RNF213: variants seen among roughly 807,000 people sequenced by gnomAD.
RNF213 encodes the protein E3 ubiquitin-protein ligase RNF213.
Under a neutral mutation model 514.4 loss-of-function variants are expected in RNF213, and 341 were observed. The observed-to-expected ratio is 0.66, with a 90% CI of 0.61 to 0.73. The LOEUF is 0.73. RNF213 is among the 30% of genes least tolerant of loss of function. RNF213 has a pLI of 0.00. For missense variants in RNF213, 5,767 were observed against 6,615.6 expected, an observed-to-expected ratio of 0.87 and a Z score of 4.45; for synonymous variants, 2,655 against 2,658.2, an observed-to-expected ratio of 1.00 and a Z score of 0.04.
intron 2 of RNF213, among the ~76,000 whole-genome samples, chr17:80,268,609 G>GTCCATCCA (rs143520187): frequency 1.4e-5 from 2 of 147,312 alleles, no homozygotes; most frequent in African/African-American, 2.7e-5. Flanking sequence ...CCATCTGTTT[G>GTCCATCCA]TCCATCCATC....
intron 2 of RNF213, among the ~76,000 whole-genome samples, chr17:80,269,383 C>G (rs965052545): frequency 1.3e-5 from 2 of 152,120 alleles, no homozygotes; most frequent in African/African-American, 4.8e-5. Flanking sequence ...ATCTATCTAT[C>G]CACCTATCCA....
At chr17:80,272,194 G>T (rs977422060) in intron 2 of RNF213, among the ~76,000 whole-genome samples, 4 of 151,920 alleles carry the variant, frequency 2.6e-5, no homozygotes, top group Non-Finnish European at 4.4e-5. Flanking sequence ...CGAGGCAGGA[G>T]AATTGCTTGA....
intron 31 of RNF213, 51 bp from the exon 32 acceptor site, chr17:80,351,634 G>A (rs748825110): frequency 2.1e-6 from 2 of 972,714 alleles, no homozygotes; most frequent in African/African-American, 1.6e-5. Flanking sequence ...GCTTGTTTTT[G>A]TGTGTGTGTT....
intron 8 of RNF213, among the ~76,000 whole-genome samples, 184 bp from the exon 9 acceptor site, chr17:80,294,536 T>C (rs2044865682): frequency 6.6e-6 from 1 of 152,164 alleles, no homozygotes; most frequent in Non-Finnish European, 1.5e-5. Context: ...TGGCCTCAGA[T>C]GAGAAGTCAG....
chr17:80,295,564 G>A lies in RNF213; in HGVS notation c.1763G>A (p.Arg588Lys), dbSNP rs761074015. 1.3e-5 allele frequency: 21 copies of A among 1,614,050 alleles called. No homozygotes were observed. The highest frequency in any genetic ancestry group is 1.8e-5 in the Non-Finnish European group (21 of 1,180,028). ...DLQYREKEVKRYLWQHLKKHV... is the reference protein window; with the variant it reads ...DLQYREKEVKKYLWQHLKKHV... ...CTCTTCTCCCACCATCAGGTGAAGA[G>A]ATACCTGTGGCAACATCTGAAAAAA... The change falls in exon 10 of 68, where the codon AGA becomes AAA. Residue 588 changes from arginine (R) to lysine (K), a missense_variant. Coordinates refer to ENST00000582970, the MANE Select transcript of RNF213 (RefSeq NM_001256071.3).
chr17:80,343,284 C>T lies in RNF213; in HGVS notation c.6142C>T (p.Gln2048Ter). The change falls in exon 27 of 68, where the codon CAG becomes TAG. Residue 2048 changes from glutamine (Q) to a stop codon, truncating the protein, a stop_gained. Coordinates refer to ENST00000582970, the MANE Select transcript of RNF213 (RefSeq NM_001256071.3). LOFTEE classifies it high-confidence loss of function. The surrounding 1 kb of genome is among the most constrained non-coding windows in gnomAD (Gnocchi z 4.3). ...GCTGCCCTTCCTGGATGCGCAGTAT[C>T]AGAAGGTCCCCGTGCTCTTTCACCT... is the stretch of plus-strand genomic sequence containing the variant. ...ALLPFLDAQY[Q>*]KVPVLFHLDV... is the part of the protein sequence containing the mutation. The T allele has an allele frequency of 6.2e-7, 1 of 1,613,460 alleles. No homozygotes were observed. The highest frequency in any genetic ancestry group is 1.7e-4 in the Middle Eastern group (1 of 5,720).
intron 49 of RNF213, 111 bp from the exon 50 acceptor site, chr17:80,374,347 G>A: frequency 2.1e-6 from 3 of 1,419,590 alleles, no homozygotes; most frequent in African/African-American, 2.8e-5. Flanking sequence ...ATCCCAGCTT[G>A]GCTGCCTTTA....
intron 36 of RNF213, among the ~76,000 whole-genome samples, chr17:80,357,914 G>A (rs891711678): frequency 6.6e-6 from 1 of 152,204 alleles, no homozygotes; most frequent in African/African-American, 2.4e-5. Flanking sequence ...TTTGAGCCCA[G>A]GTATTCCAGG....
At position 80,376,553 on chromosome 17, in the gene RNF213, G is replaced by A; in HGVS notation, c.13428+10G>A. The A allele has an allele frequency of 6.2e-7, 1 of 1,613,908 alleles. No individual in the cohort carries two copies. The highest frequency in any genetic ancestry group is 8.5e-7 in the Non-Finnish European group (1 of 1,180,032). ...CCCAGCCACCATGGCGGTAAGAGTA[G>A]GCCACAATTCCATCGGCCTTCACTG... is the stretch of plus-strand genomic sequence containing the variant. On this transcript the variant is annotated intron_variant, in intron 52 of 67. Coordinates refer to ENST00000582970, the MANE Select transcript of RNF213 (RefSeq NM_001256071.3).
chr17:80,265,587 G>A (rs1005882832), intron 2 of RNF213, among the ~76,000 whole-genome samples: 4 of 152,212 alleles, frequency 2.6e-5, no homozygotes, highest in African/African-American at 9.7e-5. Flanking sequence ...GATGAACTCA[G>A]GGATTCGATG....
At chr17:80,388,354 T>C (rs2144653738) in intron 63 of RNF213, among the ~76,000 whole-genome samples, 1 of 152,356 alleles carries the variant, frequency 6.6e-6, no homozygotes, top group East Asian at 1.9e-4. Context: ...CCCTAGCGCC[T>C]CCTGTGGCGA....
rs986853814 is a variant in RNF213, at chr17:80,353,765, C to T, written c.10578+99C>T. ...CATTGGGAGCTAGAGGAGTCGCCGC[C>T]GCTGTGCAGGGGTGAGGATGGCGCC... is the stretch of plus-strand genomic sequence containing the variant. On this transcript the variant is annotated intron_variant, in intron 34 of 67. Coordinates refer to ENST00000582970, the MANE Select transcript of RNF213 (RefSeq NM_001256071.3). This position sits in a 1 kb window ranked among gnomAD's most constrained non-coding sequence, Gnocchi z 5.0. The T allele has an allele frequency of 1.4e-5, 21 of 1,514,016 alleles. No homozygotes were observed. Among genetic ancestry groups the T allele is most frequent in the South Asian group, 2.3e-5 (2 of 87,880 alleles). 93.8% of individuals were successfully genotyped at this position (1,514,016 alleles called of 1,614,324 possible).
intron 18 of RNF213, among the ~76,000 whole-genome samples, chr17:80,326,193 C>T (rs1164488646): frequency 2.0e-5 from 3 of 152,090 alleles, no homozygotes; most frequent in East Asian, 1.9e-4. Flanking sequence ...ATGCCATCAT[C>T]GCTCACCGTA....
At position 80,317,074 on chromosome 17, in the gene RNF213, C is replaced by A; in HGVS notation, c.2812-114C>A. 5 of 1,127,472 alleles carry A rather than the reference C, an allele frequency of 4.4e-6. No individual in the cohort carries two copies. Among genetic ancestry groups the A allele is most frequent in the African/African-American group, 1.5e-5 (1 of 65,436 alleles). 69.8% of individuals were successfully genotyped at this position (1,127,472 alleles called of 1,614,324 possible). Reference sequence around the variant, plus strand: ...GAAGGTTGGGGAGAGCCCTGGTGTTCGCGGAGTCCCGCGCTCTCTGTATTG... The same window carrying A: ...GAAGGTTGGGGAGAGCCCTGGTGTTAGCGGAGTCCCGCGCTCTCTGTATTG... On this transcript the variant is annotated intron_variant, in intron 15 of 67. Coordinates refer to ENST00000582970, the MANE Select transcript of RNF213 (RefSeq NM_001256071.3). The surrounding 1 kb of genome is among the most constrained non-coding windows in gnomAD (Gnocchi z 4.1).
In RNF213 at chr17:80,346,973, G is replaced by A. The variant is rs552191595; in HGVS notation, c.8638G>A (p.Gly2880Ser). ...EDDPAPHKKVGFVGISNWALD... is the reference protein window; with the variant it reads ...EDDPAPHKKVSFVGISNWALD... ...CGATCCCGCCCCCCACAAAAAGGTC[G>A]GCTTCGTGGGCATCTCCAACTGGGC... The change falls in exon 29 of 68, where the codon GGC becomes AGC. Residue 2880 changes from glycine to serine, a missense_variant. Gly to Ser is a moderately conservative substitution (Grantham distance 56). Transcript: ENST00000582970. The surrounding 1 kb of genome is among the most constrained non-coding windows in gnomAD (Gnocchi z 8.1). The A allele has an allele frequency of 4.1e-5, 66 of 1,613,754 alleles. No individual in the cohort carries two copies. The highest frequency in any genetic ancestry group is 3.6e-4 in the South Asian group (33 of 91,030).
intron 1 of RNF213, 42 bp downstream of exon 1, chr17:80,260,944 C>T (rs1418223120): frequency 6.6e-6 from 1 of 151,050 alleles, no homozygotes; most frequent in Non-Finnish European, 1.5e-5. Flanking sequence ...GGGGAGCGGG[C>T]TAGGATACAG....
chr17:80,325,337 C>G (rs1360404866), intron 18 of RNF213, 139 bp downstream of exon 18: 8 of 826,140 alleles, frequency 9.7e-6, no homozygotes, highest in Non-Finnish European at 1.5e-5. Context: ...GCAGTTTGGA[C>G]AGAGAGACCC....
Position 80,327,844 on chromosome 17 carries a change from C to T in RNF213, c.3222C>T (p.Val1074=). The T allele has an allele frequency of 6.5e-7, 1 of 1,537,064 alleles. No individual in the cohort carries two copies. The highest frequency in any genetic ancestry group is 8.7e-7 in the Non-Finnish European group (1 of 1,146,786). ...CGTDEKILAN[V]TEDAKRLIAV... is the part of the protein sequence containing the mutation. ...CCGACGAGAAAATACTAGCAAATGT[C>T]ACAGAGGATGCCAAGAGGCTGATAG... The change falls in exon 19 of 68, where the codon GTC becomes GTT. Residue 1074 remains valine (V), a synonymous_variant. Coordinates refer to ENST00000582970, the MANE Select transcript of RNF213 (RefSeq NM_001256071.3).
chr17:80,289,912 C>T, intron 6 of RNF213, 75 bp downstream of exon 6: 4 of 1,455,346 alleles, frequency 2.7e-6, no homozygotes, highest in Non-Finnish European at 3.8e-6. Context: ...GCACAACTCT[C>T]AGGGGATATC....
Sources: gnomAD v4.1 joint callset for allele counts (sites outside exome capture counted in the v4.1 genomes callset) on GRCh38, gnomAD v4.1.1 for gene constraint, Gnocchi (gnomAD v3.1) non-coding constraint, MANE v1.5 for transcripts, NCBI Gene and HGNC (gene_info 2026-07-23, HGNC 2026-07-21) for gene names.